RERE: variants seen among roughly 807,000 people sequenced by gnomAD.
RERE encodes the protein arginine-glutamic acid dipeptide repeats, also known as arginine-glutamic acid dipeptide repeats protein.
RERE carries 40 observed loss-of-function variants against 146.1 expected under a neutral mutation model. The ratio of observed to expected loss-of-function variants is 0.27; its 90% CI spans 0.21 to 0.36. The LOEUF (loss-of-function observed/expected upper bound fraction) is 0.36, where lower values mean the gene tolerates loss of function less well. Ranked by LOEUF, RERE falls within the 10% of genes least tolerant of loss-of-function variation. The pLI is 1.00. For missense variants in RERE, 1,933 were observed against 2,138.7 expected, an observed-to-expected ratio of 0.90 and a Z score of 1.90; for synonymous variants, 1,003 against 866.0, an observed-to-expected ratio of 1.16 and a Z score of -2.78.
intron 11 of RERE, among the ~76,000 whole-genome samples, chr1:8,458,311 G>A (rs1209240800): frequency 6.6e-6 from 1 of 151,944 alleles, no homozygotes; most frequent in African/African-American, 2.4e-5. Context: ...TTTTTTACAT[G>A]CCCTTGAAAA....
chr1:8,683,031 C>CAAAAAAAA (rs71580039), intron 1 of RERE, among the ~76,000 whole-genome samples: 32 of 65,708 alleles, frequency 4.9e-4, no homozygotes, highest in Middle Eastern at 0.014. Context: ...CTGTCTTTAC[C>CAAAAAAAA]AAAAAAAAAA....
chr1:8,715,877 T>A (rs1639753906), intron 1 of RERE, among the ~76,000 whole-genome samples: 1 of 142,942 alleles, frequency 7.0e-6, no homozygotes, highest in Non-Finnish European at 1.5e-5. Flanking sequence ...GATTCCAGCC[T>A]GGATGACAGA....
rs1247030697 is a variant in RERE at position 8,361,139 on chromosome 1, C to T, written c.2368G>A (p.Ala790Thr). 6.9e-7 allele frequency: 1 copy of T among 1,445,556 alleles called. No individual in the cohort carries two copies. Among genetic ancestry groups the T allele is most frequent in the Admixed American group, 2.9e-5 (1 of 35,028 alleles). 89.5% of individuals were successfully genotyped at this position (1,445,556 alleles called of 1,614,324 possible). Residue 790 changes from alanine to threonine, a missense_variant, in exon 18 of 23, where the codon GCT (alanine) becomes ACT (threonine). This residue lies in a region of RERE where 1,255 missense variants were observed against 1,153.8 expected (regional missense o/e 1.09). Transcript: ENST00000400908. ...TASQAPNQPQ[A>T]PTAPVPHTHI... ...GTGTGGGGAACAGGCGCTGTGGGAGCCTGTGGCTGGTTAGGGGCCTGGGAG... is the reference window on the plus strand; with the variant it reads ...GTGTGGGGAACAGGCGCTGTGGGAGTCTGTGGCTGGTTAGGGGCCTGGGAG...
At position 8,732,095 on chromosome 1, in the gene RERE, G is replaced by A. The variant is rs575085888; in HGVS notation, c.-144-75654C>T. Among the ~76,000 whole-genome samples the A allele has an allele frequency of 3.3e-5, 5 of 152,238 alleles. No individual in the cohort carries two copies. The South Asian group carries it at 8.3e-4, about 25-fold the overall frequency. On this transcript the variant is annotated intron_variant, in intron 1 of 22. Coordinates refer to ENST00000400908, the MANE Select transcript of RERE (RefSeq NM_001042681.2). ...TGGGATTATAGGCATGAGCCACCACGCCCAGCCTGAAAAAGCTAAACATAA... is the reference window on the plus strand; with the variant it reads ...TGGGATTATAGGCATGAGCCACCACACCCAGCCTGAAAAAGCTAAACATAA...
intron 1 of RERE, among the ~76,000 whole-genome samples, chr1:8,683,031 CAAAAAAAAAAA>C (rs71580039): frequency 6.1e-5 from 4 of 65,726 alleles, no homozygotes; most frequent in East Asian, 1.0e-3. Flanking sequence ...CTGTCTTTAC[CAAAAAAAAAAA>C]AAAAAAAAAA....
chr1:8,550,705 C>T (rs1645924295), intron 6 of RERE, among the ~76,000 whole-genome samples: 1 of 152,196 alleles, frequency 6.6e-6, no homozygotes, highest in South Asian at 2.1e-4. Flanking sequence ...AGCCACCACA[C>T]TCGGCTAATT....
intron 10 of RERE, among the ~76,000 whole-genome samples, chr1:8,494,491 TC>T (rs1645019786): frequency 6.6e-6 from 1 of 151,402 alleles, no homozygotes; most frequent in Admixed American, 6.6e-5. Context: ...CTTTGGGAGG[TC>T]GAGGTGGGAG....
chr1:8,394,917 C>A (rs1643001603), intron 12 of RERE, among the ~76,000 whole-genome samples: 1 of 152,054 alleles, frequency 6.6e-6, no homozygotes. Flanking sequence ...ATTTTTATAT[C>A]CTCAGCATCT....
At chr1:8,546,457 AT>A (rs1022061336) in intron 6 of RERE, among the ~76,000 whole-genome samples, 3 of 151,618 alleles carry the variant, frequency 2.0e-5, no homozygotes, top group Non-Finnish European at 4.4e-5. Flanking sequence ...AATCGGAATG[AT>A]TTTTTTTCTG....
chr1:8,809,137 T>TAAAAAAAAAAAAAAAAAAAAAAAAAAAAA (rs58263107), intron 1 of RERE, among the ~76,000 whole-genome samples: 1 of 95,072 alleles, frequency 1.1e-5, no homozygotes, highest in African/African-American at 4.6e-5. Context: ...GACTTTGTCT[T>TAAAAAAAAAAAAAAAAAAAAAAAAAAAAA]AAAAAAAAAA....
At chr1:8,631,844 C>T (rs903546738) in intron 2 of RERE, among the ~76,000 whole-genome samples, 3 of 152,176 alleles carry the variant, frequency 2.0e-5, no homozygotes, top group African/African-American at 7.2e-5. Flanking sequence ...GGGGGGAAAT[C>T]TATTTTAAAA....
At chr1:8,552,523 TTAG>T (rs1415158164) in intron 6 of RERE, among the ~76,000 whole-genome samples, 1 of 152,220 alleles carries the variant, frequency 6.6e-6, no homozygotes, top group African/African-American at 2.4e-5. Flanking sequence ...GAATTTATTT[TTAG>T]TAGTACTGGT....
intron 1 of RERE, among the ~76,000 whole-genome samples, chr1:8,735,419 C>T (rs1557511785): frequency 6.6e-6 from 1 of 152,222 alleles, no homozygotes; most frequent in Non-Finnish European, 1.5e-5. Context: ...CATGCACACA[C>T]ATATATGTAC....
At chr1:8,735,526 A>G (rs1640177810) in intron 1 of RERE, among the ~76,000 whole-genome samples, 1 of 152,176 alleles carries the variant, frequency 6.6e-6, no homozygotes, top group African/African-American at 2.4e-5. Context: ...CAGTCCATAC[A>G]AAGTGCCTCA....
intron 11 of RERE, among the ~76,000 whole-genome samples, chr1:8,460,540 G>T (rs1450279551): frequency 2.6e-5 from 4 of 152,098 alleles, no homozygotes; most frequent in Non-Finnish European, 5.9e-5. Flanking sequence ...GCCAATTAAG[G>T]TTTATCACTA....
At chr1:8,497,635 T>G in intron 8 of RERE, 106 bp from the exon 9 acceptor site, 5 of 1,178,708 alleles carry the variant, frequency 4.2e-6, no homozygotes, top group Non-Finnish European at 6.1e-6. Flanking sequence ...ACTGAGACTC[T>G]TTCCTTGGAC....
At chr1:8,485,076 T>A (rs950241360) in intron 10 of RERE, among the ~76,000 whole-genome samples, 1 of 152,106 alleles carries the variant, frequency 6.6e-6, no homozygotes, top group African/African-American at 2.4e-5. Context: ...CTATTAAGAA[T>A]GTGGGCCGGA....
At chr1:8,504,624 C>A (rs1433287815) in intron 8 of RERE, among the ~76,000 whole-genome samples, 1 of 152,046 alleles carries the variant, frequency 6.6e-6, no homozygotes, top group East Asian at 1.9e-4. Context: ...GAGGCCAAGG[C>A]GGGTGTTTCA....
Position 8,499,565 on chromosome 1 carries a change from T to A in RERE, c.880-2036A>T, listed in dbSNP as rs562600702. On this transcript the variant is annotated intron_variant, in intron 8 of 22. Coordinates refer to ENST00000400908, the MANE Select transcript of RERE (RefSeq NM_001042681.2). Reference sequence around the variant, plus strand: ...AGAAATCTTCACATTTATGTAAAAGTTTGTGGTTTTAAATGTTGGTATTCA... The same window carrying A: ...AGAAATCTTCACATTTATGTAAAAGATTGTGGTTTTAAATGTTGGTATTCA... Among the ~76,000 whole-genome samples the A allele has an allele frequency of 2.9e-3, 449 of 152,302 alleles. 3 individuals carry two copies. Among genetic ancestry groups the A allele is most frequent in the African/African-American group, 0.01 (428 of 41,564 alleles).
Sources: allele counts gnomAD v4.1 joint callset (sites outside exome capture counted in the v4.1 genomes callset), GRCh38; gene constraint gnomAD v4.1.1; regional missense constraint gnomAD v4.1.1; transcripts MANE v1.5; gene names NCBI Gene and HGNC (gene_info 2026-07-23, HGNC 2026-07-21).